VPS53: variants seen among roughly 807,000 people sequenced by gnomAD.
VPS53 encodes the protein VPS53 subunit of GARP complex, also known as vacuolar protein sorting-associated protein 53 homolog.
In VPS53, 70 loss-of-function variants were observed where a neutral mutation model predicts 107.0. The ratio of observed to expected loss-of-function variants is 0.65; its 90% CI spans 0.54 to 0.80. VPS53 has a LOEUF of 0.80. VPS53 is among the 30% of genes least tolerant of loss of function. The probability of loss-of-function intolerance (pLI) is 0.00; values close to 1 mark genes in which losing one functional copy is unlikely to be tolerated. For missense variants in VPS53, 917 were observed against 1,049.4 expected, an observed-to-expected ratio of 0.87 and a Z score of 1.74; for synonymous variants, 409 against 393.3, an observed-to-expected ratio of 1.04 and a Z score of -0.47.
At chr17:660,389 C>T (rs1246476134) in intron 5 of VPS53, among the ~76,000 whole-genome samples, 2 of 152,200 alleles carry the variant, frequency 1.3e-5, no homozygotes, top group African/African-American at 4.8e-5. Flanking sequence ...TCACTCCCAC[C>T]TCTTCCTCCC....
intron 19 of VPS53, among the ~76,000 whole-genome samples, chr17:527,266 C>G (rs996683578): frequency 1.3e-5 from 2 of 150,362 alleles, no homozygotes; most frequent in Admixed American, 6.6e-5. Context: ...GCTCATAAAC[C>G]TGCTCTGAAC....
intron 7 of VPS53, among the ~76,000 whole-genome samples, chr17:644,482 G>A (rs1313416644): frequency 6.6e-6 from 1 of 152,122 alleles, no homozygotes; most frequent in Non-Finnish European, 1.5e-5. Flanking sequence ...AAAATAAGAA[G>A]TCTGGACTTT....
chr17:634,454 G>A (rs551945638), intron 7 of VPS53, among the ~76,000 whole-genome samples: 28 of 151,388 alleles, frequency 1.8e-4, no homozygotes, highest in African/African-American at 5.8e-4. Context: ...GTGCAGGTTC[G>A]TTACATATGT....
chr17:703,934 T>C (rs1973306346), intron 2 of VPS53, among the ~76,000 whole-genome samples: 1 of 152,052 alleles, frequency 6.6e-6, no homozygotes, highest in Non-Finnish European at 1.5e-5. Context: ...CCACCCGCCT[T>C]GGTCTCCCAA....
chr17:709,421 C>T (rs142381873), intron 2 of VPS53, among the ~76,000 whole-genome samples: 2 of 152,300 alleles, frequency 1.3e-5, no homozygotes, highest in East Asian at 1.9e-4. Context: ...ACGACTGCTA[C>T]GTTTTACTAA....
chr17:559,181 A>C (rs769071040), intron 15 of VPS53, among the ~76,000 whole-genome samples: 2 of 152,332 alleles, frequency 1.3e-5, no homozygotes, highest in South Asian at 4.1e-4. Flanking sequence ...CAGTGAATTA[A>C]GATTGTAACA....
chr17:707,861 G>T (rs866443631), intron 2 of VPS53, among the ~76,000 whole-genome samples: 1 of 138,168 alleles, frequency 7.2e-6, no homozygotes, highest in African/African-American at 2.7e-5. Context: ...AAAAAAAAAA[G>T]GAAGAAAGAA....
intron 4 of VPS53, among the ~76,000 whole-genome samples, chr17:683,302 G>A (rs960887131): frequency 3.9e-5 from 6 of 151,930 alleles, no homozygotes; most frequent in African/African-American, 1.5e-4. Flanking sequence ...GAGATCCCAA[G>A]AGGAATAAGG....
intron 1 of VPS53, 29 bp from the exon 2 acceptor site, chr17:710,642 A>G: frequency 6.7e-7 from 1 of 1,488,956 alleles, no homozygotes; most frequent in Non-Finnish European, 9.3e-7. Flanking sequence ...GTATATATAA[A>G]AACATGTAGT....
intron 7 of VPS53, among the ~76,000 whole-genome samples, chr17:652,070 C>T (rs555830520): frequency 6.6e-6 from 1 of 151,410 alleles, no homozygotes; most frequent in East Asian, 1.9e-4. Context: ...GATCTCAGCT[C>T]ACTGCAACCT....
At chr17:594,452 C>G (rs1967846763) in intron 12 of VPS53, among the ~76,000 whole-genome samples, 1 of 150,316 alleles carries the variant, frequency 6.7e-6, no homozygotes, top group Admixed American at 6.6e-5. Flanking sequence ...ATGATGCACT[C>G]TAGTGCCCCC....
At chr17:645,925 G>T (rs1970677217) in intron 7 of VPS53, among the ~76,000 whole-genome samples, 2 of 134,754 alleles carry the variant, frequency 1.5e-5, no homozygotes, top group South Asian at 5.0e-4. Context: ...TCATACCACG[G>T]ACTGGAGACT....
rs112491331 is a variant in VPS53 at position 547,867 on chromosome 17, T to G, written c.1866+4005A>C. ...CTGGCCTCGAACTCCTAACCTCAGA[T>G]GATTTGCACTCCTCAGCCTCCCAAA... On this transcript the variant is annotated intron_variant, in intron 17 of 21. Coordinates refer to ENST00000437048, the MANE Select transcript of VPS53 (RefSeq NM_001128159.3). Among the ~76,000 whole-genome samples, 834 of 152,244 alleles carry G rather than the reference T, an allele frequency of 5.5e-3. 3 individuals carry two copies. The highest frequency in any genetic ancestry group is 9.2e-3 in the Non-Finnish European group (627 of 68,004).
At chr17:564,930 C>G (rs1299568541) in intron 13 of VPS53, among the ~76,000 whole-genome samples, 3 of 152,142 alleles carry the variant, frequency 2.0e-5, no homozygotes, top group Non-Finnish European at 4.4e-5. Flanking sequence ...GGAAGGGTTC[C>G]CACCACTCCT....
At position 660,307 on chromosome 17, in the gene VPS53, A is replaced by G. The variant is rs184156911; in HGVS notation, c.372+1502T>C. ...TTCATAAGGTTGTGGTGAGGGCTAA[A>G]TTAGAGTGCTGACACAAAGGAACCA... On this transcript the variant is annotated intron_variant, in intron 5 of 21. Coordinates refer to ENST00000437048, the MANE Select transcript of VPS53 (RefSeq NM_001128159.3). Among the ~76,000 whole-genome samples, 457 of 152,152 alleles carry G rather than the reference A, an allele frequency of 3.0e-3. 5 individuals are homozygous for G. The highest frequency in any genetic ancestry group is 0.01 in the African/African-American group (434 of 41,418).
At chr17:672,153 A>ACACACACACACACACACAC (rs1193028603) in intron 4 of VPS53, among the ~76,000 whole-genome samples, 3 of 58,380 alleles carry the variant, frequency 5.1e-5, no homozygotes, top group East Asian at 1.0e-3. Flanking sequence ...CACACACACA[A>ACACACACACACACACACAC]TCTCTCTCTC....
At chr17:646,434 T>A (rs62053764) in intron 7 of VPS53, among the ~76,000 whole-genome samples, 1 of 6,272 alleles carries the variant, frequency 1.6e-4, no homozygotes, top group African/African-American at 4.8e-4. Flanking sequence ...TCCATACCAC[T>A]GACTGGAGAT....
chr17:712,003 A>C (rs1461990869), intron 1 of VPS53, among the ~76,000 whole-genome samples: 1 of 151,814 alleles, frequency 6.6e-6, no homozygotes, highest in Non-Finnish European at 1.5e-5. Context: ...TTTTTAGTAG[A>C]GAAGGGGTTT....
At chr17:626,408 G>A (rs1359297240) in intron 10 of VPS53, among the ~76,000 whole-genome samples, 2 of 152,194 alleles carry the variant, frequency 1.3e-5, no homozygotes, top group Non-Finnish European at 2.9e-5. Context: ...AGTGGCTCAT[G>A]CCTGTAATCC....
Sources: allele counts gnomAD v4.1 joint callset (sites outside exome capture counted in the v4.1 genomes callset), GRCh38; gene constraint gnomAD v4.1.1; transcripts MANE v1.5; gene names NCBI Gene and HGNC (gene_info 2026-07-23, HGNC 2026-07-21).